The following ARFGAP3 variants were observed in gnomAD, a reference collection of about 807,000 sequenced individuals.
ARFGAP3 encodes ARF GTPase activating protein 3, also known as ADP-ribosylation factor GTPase-activating protein 3.
In ARFGAP3, 72 loss-of-function variants were observed where a neutral mutation model predicts 75.0. The ratio of observed to expected loss-of-function variants is 0.96; its 90% confidence interval spans 0.79 to 1.17. ARFGAP3 has a LOEUF of 1.17. ARFGAP3 is among the 50% of genes most tolerant of loss of function. The pLI, the probability that ARFGAP3 is intolerant of heterozygous loss-of-function variation, is 0.00. For synonymous variants in ARFGAP3, 221 were observed against 217.9 expected (o/e 1.01, Z -0.13); for missense variants, 620 against 626.6 (o/e 0.99, Z 0.11).
intron 9 of ARFGAP3, 145 bp downstream of exon 9, chr22:42,822,125 A>G: frequency 3.0e-6 from 2 of 674,204 alleles, no homozygotes; most frequent in Non-Finnish European, 5.0e-6. Context: ...CCACATGCCA[A>G]TGCAATATCA....
intron 2 of ARFGAP3, 50 bp downstream of exon 2, chr22:42,847,464 C>T (rs777212722): frequency 4.7e-6 from 7 of 1,489,190 alleles, no homozygotes; most frequent in Non-Finnish European, 6.5e-6. Flanking sequence ...AAAAAAACAC[C>T]CATGTAACAA....
intron 7 of ARFGAP3, among the ~76,000 whole-genome samples, 165 bp downstream of exon 7, chr22:42,826,775 A>G (rs751476264): frequency 5.3e-5 from 8 of 152,160 alleles, no homozygotes; most frequent in Non-Finnish European, 1.0e-4. Flanking sequence ...TGAATAAAAA[A>G]CATATATATA....
chr22:42,802,452 ATT>A (rs879772562), intron 14 of ARFGAP3, among the ~76,000 whole-genome samples: 2 of 139,334 alleles, frequency 1.4e-5, no homozygotes, highest in African/African-American at 2.6e-5. Flanking sequence ...CGCCCAGATA[ATT>A]TTTTTTTTTT....
intron 3 of ARFGAP3, among the ~76,000 whole-genome samples, chr22:42,839,340 T>C (rs1210112979): frequency 1.3e-5 from 2 of 152,054 alleles, no homozygotes; most frequent in African/African-American, 2.4e-5. Flanking sequence ...GGCTCATGCC[T>C]GTAATTCCAG....
chr22:42,808,955 C>A lies in ARFGAP3; in HGVS notation c.1197-65G>T. The A allele has an allele frequency of 2.9e-6, 4 of 1,367,248 alleles. No homozygotes were observed. In the South Asian group the frequency reaches 6.5e-5, roughly 22 times the overall value. The allele number at this position is 1,367,248 out of a possible 1,614,324, so 84.7% of individuals were successfully genotyped here. On this transcript the variant is annotated intron_variant, in intron 12 of 15. Coordinates refer to ENST00000263245, the MANE Select transcript of ARFGAP3 (RefSeq NM_014570.5). ...AGGTGAAGCAAATGTGTTTCATACT[C>A]ATTTTATTTTTTAAAATGCCAACAG... is the stretch of plus-strand genomic sequence containing the variant.
intron 15 of ARFGAP3, 85 bp from the exon 16 acceptor site, chr22:42,797,690 A>G: frequency 1.2e-6 from 2 of 1,612,766 alleles, no homozygotes; most frequent in Non-Finnish European, 1.7e-6. Context: ...CATCACCCAA[A>G]TTGACACTGC....
intron 14 of ARFGAP3, chr22:42,799,392 G>A: frequency 4.1e-6 from 1 of 246,346 alleles, no homozygotes; most frequent in Non-Finnish European, 6.5e-6. Flanking sequence ...ACACCACTAT[G>A]AGTTCAAATC....
chr22:42,799,692 G>A (rs1028068845), intron 14 of ARFGAP3, among the ~76,000 whole-genome samples: 4 of 152,164 alleles, frequency 2.6e-5, no homozygotes, highest in Admixed American at 1.3e-4. Flanking sequence ...CAAATGAGAA[G>A]AGCCATTTGC....
intron 1 of ARFGAP3, among the ~76,000 whole-genome samples, chr22:42,847,895 C>T (rs1428101110): frequency 6.6e-6 from 1 of 150,898 alleles, no homozygotes; most frequent in East Asian, 1.9e-4. Context: ...GACAGAGTTT[C>T]GCTCTGTCAC....
At chr22:42,817,886 T>G in intron 9 of ARFGAP3, 29 bp from the exon 10 acceptor site, 1 of 1,546,896 alleles carries the variant, frequency 6.5e-7, no homozygotes, top group East Asian at 2.4e-5. Flanking sequence ...ACTCCTTAAT[T>G]TAGCTTTAAT....
chr22:42,833,591 A>G (rs963983569), intron 5 of ARFGAP3, among the ~76,000 whole-genome samples: 1 of 152,200 alleles, frequency 6.6e-6, no homozygotes, highest in African/African-American at 2.4e-5. Context: ...CCTCGTCTCT[A>G]CTACAAATAC....
In ARFGAP3 at chr22:42,832,162, C is replaced by CA. The variant is rs78600056; in HGVS notation, c.478-527dup. Among the ~76,000 whole-genome samples the CA allele has an allele frequency of 5.1e-3, 387 of 75,896 alleles. 1 individual carries two copies. Among genetic ancestry groups the CA allele is most frequent in the South Asian group, 9.5e-3 (22 of 2,316 alleles). The allele number at this position is 75,896 out of a possible 152,430, so 49.8% of individuals were successfully genotyped here. ...AATAAGTATGTGCAAATTATAATAG[C>CA]AAAAAAAAAAAAAAAACCCAAAAAA... On this transcript the variant is annotated intron_variant, in intron 5 of 15. Transcript: ENST00000263245.
At chr22:42,807,004 T>C (rs1159372662) in intron 14 of ARFGAP3, 69 bp downstream of exon 14, 2 of 1,427,752 alleles carry the variant, frequency 1.4e-6, no homozygotes, top group East Asian at 4.8e-5. Context: ...AAGGAAACAG[T>C]CCTATCCAGA....
rs988685532 is a variant in ARFGAP3 at position 42,822,176 on chromosome 22, C to G, written c.812+94G>C. On this transcript the variant is annotated intron_variant, in intron 9 of 15. Transcript: ENST00000263245. ...AATTTTGCAGTACCCTCCCTTCCCC[C>G]CCCACACAAAAATACATGGCATTTG... 3.6e-5 allele frequency: 36 copies of G among 1,013,462 alleles called. No individual in the cohort carries two copies. In the South Asian group the frequency reaches 4.2e-4, roughly 12 times the overall value. The allele number at this position is 1,013,462 out of a possible 1,614,324, so 62.8% of individuals were successfully genotyped here. A position where few individuals can be genotyped will look rare whatever the true frequency, so the allele number is the denominator to read the frequency against.
chr22:42,843,514 G>A (rs987625854), intron 2 of ARFGAP3, among the ~76,000 whole-genome samples: 4 of 152,024 alleles, frequency 2.6e-5, no homozygotes, highest in African/African-American at 7.2e-5. Flanking sequence ...GATTACAGGC[G>A]CAAGCCACCA....
At chr22:42,799,257 T>C in intron 14 of ARFGAP3, 97 bp from the exon 15 acceptor site, 4 of 1,552,660 alleles carry the variant, frequency 2.6e-6, no homozygotes, top group South Asian at 2.4e-5. Flanking sequence ...AGAACCCGGA[T>C]CTCTCCCCTC....
chr22:42,839,378 C>A (rs1926679024), intron 3 of ARFGAP3, among the ~76,000 whole-genome samples: 1 of 151,796 alleles, frequency 6.6e-6, no homozygotes, highest in Admixed American at 6.6e-5. Context: ...GCAGGCAGAT[C>A]ACTTGAGGTC....
At chr22:42,811,905 G>T (rs1037505411) in intron 11 of ARFGAP3, among the ~76,000 whole-genome samples, 2 of 152,066 alleles carry the variant, frequency 1.3e-5, no homozygotes, top group Non-Finnish European at 2.9e-5. Context: ...AGCCAGGCAC[G>T]GTGGCTCACA....
At chr22:42,814,662 G>T (rs1925502231) in intron 11 of ARFGAP3, among the ~76,000 whole-genome samples, 1 of 152,240 alleles carries the variant, frequency 6.6e-6, no homozygotes, top group Non-Finnish European at 1.5e-5. Flanking sequence ...GAGGGTCTCT[G>T]AAGTTCCCAT....
Sources: gnomAD v4.1 joint callset for allele counts (sites outside exome capture counted in the v4.1 genomes callset) on GRCh38, gnomAD v4.1.1 for gene constraint, MANE v1.5 for transcripts, NCBI Gene and HGNC (gene_info 2026-07-23, HGNC 2026-07-21) for gene names.